The following STARD13 variants were observed in gnomAD, a reference collection of about 807,000 sequenced individuals.
STARD13 encodes stAR-related lipid transfer protein 13.
Under a neutral mutation model 106.4 loss-of-function variants are expected in STARD13, and 62 were observed. The observed-to-expected ratio is 0.58, with a 90% confidence interval of 0.48 to 0.72. The LOEUF (loss-of-function observed/expected upper bound fraction) is 0.72, where lower values mean the gene tolerates loss of function less well. STARD13 is among the 30% of genes least tolerant of loss of function. The probability of loss-of-function intolerance (pLI) is 0.00; values close to 1 mark genes in which losing one functional copy is unlikely to be tolerated. For missense variants in STARD13, 1,387 were observed against 1,424.0 expected, an observed-to-expected ratio of 0.97 and a Z score of 0.42; for synonymous variants, 565 against 553.0, an observed-to-expected ratio of 1.02 and a Z score of -0.31.
At chr13:33,430,017 G>A in the STARD13 span, among the ~76,000 whole-genome samples, 42,414 of 150,986 alleles carry the variant, frequency 0.28, 6,418 homozygotes, top group Non-Finnish European at 0.35. Context: ...TCCCAGGTTC[G>A]CGCCATTCTC....
At chr13:33,210,086 AG>A (rs1887637533) in intron 1 of STARD13, among the ~76,000 whole-genome samples, 2 of 152,198 alleles carry the variant, frequency 1.3e-5, no homozygotes, top group Admixed American at 1.3e-4. Context: ...TGTTCTTTGA[AG>A]GGGCAAGGTA....
At chr13:33,490,830 C>A in the STARD13 span, among the ~76,000 whole-genome samples, 11 of 152,348 alleles carry the variant, frequency 7.2e-5, no homozygotes, top group African/African-American at 2.4e-4. Context: ...AAGCCGTCTG[C>A]GGGTGGCCAA....
At chr13:33,206,865 G>C (rs952341091) in intron 1 of STARD13, among the ~76,000 whole-genome samples, 1 of 152,138 alleles carries the variant, frequency 6.6e-6, no homozygotes, top group Non-Finnish European at 1.5e-5. Flanking sequence ...GCTATATGTT[G>C]GAATACTGTA....
chr13:33,543,191 C>T, the STARD13 span, among the ~76,000 whole-genome samples: 1 of 152,096 alleles, frequency 6.6e-6, no homozygotes, highest in Admixed American at 6.5e-5. Flanking sequence ...TATTAATTGC[C>T]TGGTAGGAAG....
the STARD13 span, among the ~76,000 whole-genome samples, chr13:33,547,848 C>T: frequency 3.3e-5 from 5 of 151,820 alleles, no homozygotes; most frequent in African/African-American, 9.7e-5. Flanking sequence ...TTTTTATTTA[C>T]AAGAAGGAAA....
At chr13:33,619,775 C>T in the STARD13 span, among the ~76,000 whole-genome samples, 5,110 of 152,158 alleles carry the variant, frequency 0.034, 214 homozygotes, top group East Asian at 0.17. Flanking sequence ...GATGTAAATA[C>T]GTTAGAGGCC....
At chr13:33,177,128 C>T (rs1021974326) in intron 1 of STARD13, among the ~76,000 whole-genome samples, 1 of 152,202 alleles carries the variant, frequency 6.6e-6, no homozygotes, top group Admixed American at 6.5e-5. Context: ...AATTCCCTGG[C>T]TAGCTTTGAG....
chr13:33,608,020 C>T, the STARD13 span, among the ~76,000 whole-genome samples: 2 of 152,186 alleles, frequency 1.3e-5, no homozygotes, highest in African/African-American at 4.8e-5. Flanking sequence ...AGCGATCCTC[C>T]CACCTCAGGC....
chr13:33,236,573 T>TTAGCAATATGGGGGTCCTTA (rs985191782), intron 1 of STARD13, among the ~76,000 whole-genome samples: 2 of 151,682 alleles, frequency 1.3e-5, no homozygotes, highest in African/African-American at 4.8e-5. Flanking sequence ...GGCATCCCCC[T>TTAGCAATATGGGGGTCCTTA]GTTTCCTTAG....
the STARD13 span, among the ~76,000 whole-genome samples, chr13:33,384,405 TA>T: frequency 2.6e-5 from 4 of 152,206 alleles, no homozygotes; most frequent in Non-Finnish European, 2.9e-5. Context: ...TAGGGTTTGT[TA>T]AACACTGACC....
At chr13:33,453,206 G>A in the STARD13 span, among the ~76,000 whole-genome samples, 1 of 152,142 alleles carries the variant, frequency 6.6e-6, no homozygotes, top group Non-Finnish European at 1.5e-5. Context: ...TTCTTTATAA[G>A]AGTAGTTTTT....
At chr13:33,440,905 C>T in the STARD13 span, among the ~76,000 whole-genome samples, 12 of 151,264 alleles carry the variant, frequency 7.9e-5, no homozygotes, top group African/African-American at 2.4e-4. Context: ...CATGAGCCAC[C>T]GTGACTGGCC....
chr13:33,333,771 G>A (rs539284414), intron 1 of STARD13: 164 of 152,340 alleles, frequency 1.1e-3, no homozygotes, highest in African/African-American at 3.8e-3. Flanking sequence ...TTGAAGGTAA[G>A]TAAGGTACCA....
At chr13:33,191,162 T>G (rs1264931697) in intron 1 of STARD13, among the ~76,000 whole-genome samples, 1 of 152,226 alleles carries the variant, frequency 6.6e-6, no homozygotes, top group African/African-American at 2.4e-5. Flanking sequence ...GTATTTTTCT[T>G]TGGGAAGCTT....
the STARD13 span, among the ~76,000 whole-genome samples, chr13:33,458,750 G>C: frequency 2.0e-5 from 3 of 151,456 alleles, no homozygotes; most frequent in African/African-American, 7.3e-5. Context: ...AAATGTGTCC[G>C]GATTTCAGAC....
the STARD13 span, among the ~76,000 whole-genome samples, chr13:33,556,629 A>G: frequency 6.6e-6 from 1 of 152,116 alleles, no homozygotes; most frequent in South Asian, 2.1e-4. Flanking sequence ...TCTAAAACTT[A>G]CTTTTATAAA....
chr13:33,167,003 C>CAAA (rs139921719), intron 2 of STARD13, among the ~76,000 whole-genome samples: 35 of 126,788 alleles, frequency 2.8e-4, no homozygotes, highest in South Asian at 1.3e-3. Flanking sequence ...CAAAAAAAAA[C>CAAA]AAAAAAAAAA....
At chr13:33,115,795 C>G (rs1875285991) in intron 8 of STARD13, among the ~76,000 whole-genome samples, 1 of 152,164 alleles carries the variant, frequency 6.6e-6, no homozygotes, top group Non-Finnish European at 1.5e-5. Context: ...GAAGCGTGGT[C>G]ACTCTCTTCT....
chr13:33,509,591 G>A, the STARD13 span, among the ~76,000 whole-genome samples: 1 of 152,296 alleles, frequency 6.6e-6, no homozygotes, highest in South Asian at 2.1e-4. Context: ...GAGAGGGGTA[G>A]AGCATAAAGG....
Sources: gnomAD v4.1 joint callset for allele counts (sites outside exome capture counted in the v4.1 genomes callset) on GRCh38, gnomAD v4.1.1 for gene constraint, MANE v1.5 for transcripts, NCBI Gene and HGNC (gene_info 2026-07-23, HGNC 2026-07-21) for gene names.